TBX20: variants seen among roughly 807,000 people sequenced by gnomAD.
TBX20 encodes the protein T-box transcription factor 20, also known as T-box transcription factor TBX20.
Under a neutral mutation model 42.9 loss-of-function variants are expected in TBX20, and 8 were observed. The observed-to-expected ratio is 0.19, with a 90% confidence interval of 0.11 to 0.34. TBX20 has a LOEUF of 0.34. Ranked by LOEUF, TBX20 falls within the 10% of genes least tolerant of loss-of-function variation. The pLI, the probability that TBX20 is intolerant of heterozygous loss-of-function variation, is 1.00. For missense variants in TBX20, 411 were observed against 566.0 expected, an observed-to-expected ratio of 0.73 and a Z score of 2.78; for synonymous variants, 198 against 222.8, an observed-to-expected ratio of 0.89 and a Z score of 0.99.
At chr7:35,218,760 C>T (rs1789632029) in intron 6 of TBX20, among the ~76,000 whole-genome samples, 1 of 151,898 alleles carries the variant, frequency 6.6e-6, no homozygotes, top group South Asian at 2.1e-4. Flanking sequence ...CATTTATGTC[C>T]CCTAAAGATT....
In TBX20 at chr7:35,249,253, T is replaced by C. The variant is rs1052626974; in HGVS notation, c.381-412A>G. Among the ~76,000 whole-genome samples the C allele has an allele frequency of 2.6e-5, 4 of 152,208 alleles. No homozygotes were observed. The highest frequency in any genetic ancestry group is 4.4e-5 in the Non-Finnish European group (3 of 68,038). ...CATCCCAGCCAGAAAACTCTGCTCT[T>C]GCAAAATAAAAGCCAAAAGCAGAGG... On this transcript the variant is annotated intron_variant, in intron 2 of 7. Coordinates refer to ENST00000408931, the MANE Select transcript of TBX20 (RefSeq NM_001077653.2). This position sits in a 1 kb window ranked among gnomAD's most constrained non-coding sequence, Gnocchi z 4.3.
chr7:35,205,403 C>G (rs1451209172), intron 6 of TBX20, among the ~76,000 whole-genome samples: 1 of 150,844 alleles, frequency 6.6e-6, no homozygotes, highest in Non-Finnish European at 1.5e-5. Context: ...GCCAAAAGTG[C>G]ATACTGATAA....
chr7:35,241,552 A>G (rs2128714754), intron 4 of TBX20, among the ~76,000 whole-genome samples: 1 of 152,292 alleles, frequency 6.6e-6, no homozygotes, highest in East Asian at 1.9e-4. Context: ...AGGTGATCTC[A>G]TCTCCCCAAT....
intron 6 of TBX20, among the ~76,000 whole-genome samples, chr7:35,213,683 T>A (rs1789534362): frequency 6.6e-6 from 1 of 152,068 alleles, no homozygotes; most frequent in Non-Finnish European, 1.5e-5. Context: ...TGGGCTTTAA[T>A]GTCACTTATC....
chr7:35,219,552 G>T, intron 6 of TBX20, among the ~76,000 whole-genome samples: 1 of 152,148 alleles, frequency 6.6e-6, no homozygotes. Flanking sequence ...CCTGCTTTAG[G>T]CTATTTACCT....
chr7:35,213,877 CAAAA>C (rs59548164), intron 6 of TBX20, among the ~76,000 whole-genome samples: 5 of 59,764 alleles, frequency 8.4e-5, no homozygotes, highest in South Asian at 7.8e-4. Context: ...GCAGAGATAG[CAAAA>C]AAAAAAAAAA....
rs946786014 is a variant in TBX20, at chr7:35,253,872, G to A, written c.-252C>T. 1 of 509,878 alleles carries A rather than the reference G, an allele frequency of 2.0e-6. No individual in the cohort carries two copies. Among genetic ancestry groups the A allele is most frequent in the Admixed American group, 3.5e-5 (1 of 28,248 alleles). 31.6% of individuals were successfully genotyped at this position (509,878 alleles called of 1,614,324 possible). A position where few individuals can be genotyped will look rare whatever the true frequency, so the allele number is the denominator to read the frequency against. On this transcript the variant is annotated 5_prime_UTR_variant, in exon 1 of 8. Coordinates refer to ENST00000408931, the MANE Select transcript of TBX20 (RefSeq NM_001077653.2). ...GAGAGGGCCCACCGAGCACTACGGC[G>A]GGTGCGCACGCCCCGGGGCGCTCGG...
At chr7:35,234,578 A>C (rs1789927549) in intron 5 of TBX20, among the ~76,000 whole-genome samples, 1 of 152,224 alleles carries the variant, frequency 6.6e-6, no homozygotes, top group Non-Finnish European at 1.5e-5. Context: ...TCCTAGGAGT[A>C]TCAGTGGAAA....
intron 6 of TBX20, among the ~76,000 whole-genome samples, chr7:35,216,809 T>C (rs1454822350): frequency 6.6e-6 from 1 of 152,188 alleles, no homozygotes; most frequent in Non-Finnish European, 1.5e-5. Flanking sequence ...AGAGAAAATG[T>C]CAAATCCATG....
chr7:35,213,468 G>A (rs1293429074), intron 6 of TBX20, among the ~76,000 whole-genome samples: 1 of 152,028 alleles, frequency 6.6e-6, no homozygotes, highest in African/African-American at 2.4e-5. Flanking sequence ...TTTGAATTTT[G>A]GATGTATGTA....
At chr7:35,211,919 C>T (rs1229974579) in intron 6 of TBX20, among the ~76,000 whole-genome samples, 1 of 151,998 alleles carries the variant, frequency 6.6e-6, no homozygotes, top group Non-Finnish European at 1.5e-5. Flanking sequence ...TTTCTTCATG[C>T]TTTTTGAGCT....
chr7:35,240,207 T>A (rs1229940600), intron 5 of TBX20, among the ~76,000 whole-genome samples: 1 of 152,236 alleles, frequency 6.6e-6, no homozygotes, highest in African/African-American at 2.4e-5. Flanking sequence ...GCATCCTTAA[T>A]CCACAAATCT....
rs138744918 is a variant in TBX20 at position 35,222,190 on chromosome 7, G to A, written c.890+9314C>T. 7.9e-3 allele frequency among the ~76,000 whole-genome samples: 1,206 copies of A among 152,188 alleles called. 10 individuals carry two copies. The highest frequency in any genetic ancestry group is 0.014 in the Non-Finnish European group (948 of 67,998). On this transcript the variant is annotated intron_variant, in intron 6 of 7. Coordinates refer to ENST00000408931, the MANE Select transcript of TBX20 (RefSeq NM_001077653.2). ...AATTTGGATAAATTATTAGTATCTC[G>A]AAGCTTTCATGATCTCATCTACAAA...
intron 6 of TBX20, among the ~76,000 whole-genome samples, chr7:35,210,744 T>G (rs1300490635): frequency 6.6e-6 from 1 of 152,188 alleles, no homozygotes; most frequent in Non-Finnish European, 1.5e-5. Flanking sequence ...GTTAACATGC[T>G]ACTTTTTTTC....
intron 5 of TBX20, among the ~76,000 whole-genome samples, chr7:35,233,123 CT>C (rs1274058649): frequency 1.3e-5 from 2 of 152,254 alleles, no homozygotes; most frequent in East Asian, 1.9e-4. Flanking sequence ...TGAGGAATTT[CT>C]TTTTTCATTT....
chr7:35,238,355 C>T (rs1028991705), intron 5 of TBX20, among the ~76,000 whole-genome samples: 7 of 152,080 alleles, frequency 4.6e-5, no homozygotes, highest in African/African-American at 1.7e-4. Flanking sequence ...AATTTTTGTT[C>T]ATCTCTATAA....
intron 6 of TBX20, among the ~76,000 whole-genome samples, chr7:35,218,607 T>G (rs1197436235): frequency 6.6e-6 from 1 of 152,232 alleles, no homozygotes; most frequent in African/African-American, 2.4e-5. Flanking sequence ...TGAGAAAGAA[T>G]AAAGCACATA....
At chr7:35,229,106 A>G (rs994762619) in intron 6 of TBX20, among the ~76,000 whole-genome samples, 1 of 152,238 alleles carries the variant, frequency 6.6e-6, no homozygotes, top group African/African-American at 2.4e-5. Context: ...TGTCCCACAC[A>G]TTAAGCTGTA....
At position 35,213,877 on chromosome 7, in the gene TBX20, C is replaced by CAAAAAAAAAAA. The variant is rs59548164; in HGVS notation, c.891-9306_891-9296dup. Reference sequence around the variant, plus strand: ...TATGAACAAGGAATTGCAGAGATAGCAAAAAAAAAAAAAAAAAAAAAAAAT... The same window carrying CAAAAAAAAAAA: ...TATGAACAAGGAATTGCAGAGATAGCAAAAAAAAAAAAAAAAAAAAAAAAAAAAAAAAAAAT... On this transcript the variant is annotated intron_variant, in intron 6 of 7. Transcript: ENST00000408931. Among the ~76,000 whole-genome samples the CAAAAAAAAAAA allele has an allele frequency of 2.2e-4, 13 of 59,772 alleles. 1 individual carries two copies. Among genetic ancestry groups the CAAAAAAAAAAA allele is most frequent in the African/African-American group, 8.1e-4 (12 of 14,784 alleles). The allele number at this position is 59,772 out of a possible 152,430, so 39.2% of individuals were successfully genotyped here. A position where few individuals can be genotyped will look rare whatever the true frequency, so the allele number is the denominator to read the frequency against.
Sources: allele counts gnomAD v4.1 joint callset (sites outside exome capture counted in the v4.1 genomes callset), GRCh38; gene constraint gnomAD v4.1.1; non-coding constraint Gnocchi (gnomAD v3.1); transcripts MANE v1.5; gene names NCBI Gene and HGNC (gene_info 2026-07-23, HGNC 2026-07-21).